Variants in ADAM12 observed in about 807,000 individuals in gnomAD.
ADAM12 encodes ADAM metallopeptidase domain 12.
Under a neutral mutation model 106.4 loss-of-function variants are expected in ADAM12, and 70 were observed. That is an observed-to-expected ratio of 0.66 (90% CI 0.54 to 0.80). ADAM12 has a LOEUF of 0.80. Among genes scored for constraint, ADAM12 ranks in the 30% least tolerant of loss-of-function variants. The probability of loss-of-function intolerance (pLI) is 0.00; values close to 1 mark genes in which losing one functional copy is unlikely to be tolerated. For missense variants in ADAM12, 1,010 were observed against 1,171.9 expected, an observed-to-expected ratio of 0.86 and a Z score of 2.02; for synonymous variants, 420 against 433.5, an observed-to-expected ratio of 0.97 and a Z score of 0.39.
chr10:126,160,768 A>C (rs1956917898), intron 3 of ADAM12, among the ~76,000 whole-genome samples: 1 of 152,136 alleles, frequency 6.6e-6, no homozygotes, highest in Non-Finnish European at 1.5e-5. Flanking sequence ...AGGTGCTTGC[A>C]ACCTCATGCT....
intron 1 of ADAM12, among the ~76,000 whole-genome samples, chr10:126,345,720 A>G (rs1855114174): frequency 6.6e-6 from 1 of 152,142 alleles, no homozygotes; most frequent in African/African-American, 2.4e-5. Context: ...TGGTCTATTC[A>G]GGGTTTCAAC....
chr10:126,049,697 A>G lies in ADAM12; in HGVS notation c.1610-28T>C, dbSNP rs1170001394. On this transcript the variant is annotated intron_variant, in intron 14 of 22. Coordinates refer to ENST00000448723, the MANE Select transcript of ADAM12 (RefSeq NM_001288973.2). This position sits in a 1 kb window ranked among gnomAD's most constrained non-coding sequence, Gnocchi z 4.4. ...GAAACAGAAGCAGAACTGCATTTTC[A>G]TCTCCTGCAGGTGATTTTTTTTTTT... is the stretch of plus-strand genomic sequence containing the variant. The G allele has an allele frequency of 6.3e-7, 1 of 1,594,594 alleles. No homozygotes were observed. The highest frequency in any genetic ancestry group is 8.6e-7 in the Non-Finnish European group (1 of 1,169,422).
intron 11 of ADAM12, among the ~76,000 whole-genome samples, chr10:126,088,475 C>T (rs12781554): frequency 0.18 from 27,652 of 151,022 alleles, 3,213 homozygotes; most frequent in South Asian, 0.33. Context: ...CTGAGGCAGG[C>T]GGATCACTTG....
chr10:126,345,566 T>C (rs1344911641), intron 1 of ADAM12, among the ~76,000 whole-genome samples: 1 of 152,234 alleles, frequency 6.6e-6, no homozygotes, highest in Non-Finnish European at 1.5e-5. Context: ...TTCCCTCTTT[T>C]TCTATTGGTT....
chr10:126,171,665 C>A (rs113660632), intron 3 of ADAM12, among the ~76,000 whole-genome samples: 1 of 152,280 alleles, frequency 6.6e-6, no homozygotes, highest in Middle Eastern at 3.4e-3. Flanking sequence ...AACATGACTT[C>A]ACTTCTCTGG....
chr10:126,176,099 C>T (rs1327074521), intron 3 of ADAM12, among the ~76,000 whole-genome samples: 1 of 152,174 alleles, frequency 6.6e-6, no homozygotes, highest in African/African-American at 2.4e-5. Flanking sequence ...CTCAGGGGGT[C>T]AGAGAACCAG....
chr10:126,091,569 A>G (rs1955465203), intron 11 of ADAM12, among the ~76,000 whole-genome samples: 1 of 151,788 alleles, frequency 6.6e-6, no homozygotes, highest in Non-Finnish European at 1.5e-5. Context: ...CTAATATGGT[A>G]TAAATCAAAT....
chr10:126,083,746 G>A (rs1018715487), intron 11 of ADAM12, among the ~76,000 whole-genome samples: 5 of 152,202 alleles, frequency 3.3e-5, no homozygotes, highest in Admixed American at 2.6e-4. Context: ...CAAAAGCCTC[G>A]TGACTCCTCC....
intron 3 of ADAM12, among the ~76,000 whole-genome samples, chr10:126,175,639 T>C (rs1957206712): frequency 6.6e-6 from 1 of 152,216 alleles, no homozygotes; most frequent in African/African-American, 2.4e-5. Context: ...AACCTAGTCG[T>C]TTCATTCGAG....
At chr10:126,117,991 T>C in intron 6 of ADAM12, 47 bp downstream of exon 6, 1 of 1,596,542 alleles carries the variant, frequency 6.3e-7, no homozygotes, top group Non-Finnish European at 8.6e-7. Flanking sequence ...TATCCGTAGC[T>C]TGAGCTCCTA....
intron 19 of ADAM12, 102 bp from the exon 20 acceptor site, chr10:126,038,451 TAACTC>T (rs1413661516): frequency 2.1e-5 from 18 of 845,204 alleles, no homozygotes; most frequent in Non-Finnish European, 2.9e-5. Flanking sequence ...ACAGTTTACT[TAACTC>T]AGTGTGCTAA....
At chr10:126,122,176 A>C (rs946676942) in intron 5 of ADAM12, among the ~76,000 whole-genome samples, 2 of 152,168 alleles carry the variant, frequency 1.3e-5, no homozygotes, top group Non-Finnish European at 2.9e-5. Flanking sequence ...AATCTGTAGA[A>C]ATTGTTACTT....
intron 10 of ADAM12, among the ~76,000 whole-genome samples, chr10:126,097,002 G>A (rs1244980638): frequency 2.0e-5 from 3 of 152,052 alleles, no homozygotes; most frequent in Non-Finnish European, 4.4e-5. Context: ...TAAGGGACAC[G>A]AGCTGAAGAA....
chr10:126,116,690 C>A (rs1955989601), intron 6 of ADAM12, among the ~76,000 whole-genome samples: 1 of 151,922 alleles, frequency 6.6e-6, no homozygotes, highest in South Asian at 2.1e-4. Context: ...GTCTTAGAAA[C>A]ATACTAGCAA....
At chr10:126,131,813 T>C in intron 5 of ADAM12, among the ~76,000 whole-genome samples, 1 of 152,246 alleles carries the variant, frequency 6.6e-6, no homozygotes, top group South Asian at 2.1e-4. Context: ...CATGCTAAGA[T>C]AGTGCCTGAG....
intron 3 of ADAM12, among the ~76,000 whole-genome samples, chr10:126,183,219 AGTT>A (rs1252017223): frequency 1.3e-5 from 2 of 152,158 alleles, no homozygotes; most frequent in African/African-American, 4.8e-5. Context: ...ACATATTATG[AGTT>A]GTATAATTAT....
chr10:126,324,311 T>C (rs1223043489), intron 2 of ADAM12, among the ~76,000 whole-genome samples: 1 of 151,742 alleles, frequency 6.6e-6, no homozygotes, highest in Non-Finnish European at 1.5e-5. Flanking sequence ...ACTGAGGGAG[T>C]CAGGGGACAT....
chr10:126,141,718 C>T (rs1267155002), intron 4 of ADAM12, among the ~76,000 whole-genome samples: 1 of 152,146 alleles, frequency 6.6e-6, no homozygotes, highest in Non-Finnish European at 1.5e-5. Flanking sequence ...ATTTTATATG[C>T]TTAAGTGGTA....
intron 21 of ADAM12, among the ~76,000 whole-genome samples, chr10:126,024,311 GAAACTT>G (rs1953827639): frequency 6.6e-6 from 1 of 152,148 alleles, no homozygotes; most frequent in Non-Finnish European, 1.5e-5. Context: ...ATATATATCT[GAAACTT>G]AAATAGGCAT....
Sources: allele counts gnomAD v4.1 joint callset (sites outside exome capture counted in the v4.1 genomes callset), GRCh38; gene constraint gnomAD v4.1.1; non-coding constraint Gnocchi (gnomAD v3.1); transcripts MANE v1.5; gene names NCBI Gene and HGNC (gene_info 2026-07-23, HGNC 2026-07-21).